The following RAB38 variants were observed in gnomAD, a reference collection of about 807,000 sequenced individuals.
RAB38 encodes the protein RAB38, member RAS oncogene family, also known as ras-related protein Rab-38.
In RAB38, 15 loss-of-function variants were observed where a neutral mutation model predicts 18.4. The observed-to-expected ratio is 0.82, with a 90% CI of 0.55 to 1.26. RAB38 has a LOEUF of 1.26. Among genes scored for constraint, RAB38 ranks in the 50% most tolerant of loss-of-function variants. The pLI is 0.00. For missense variants in RAB38, 294 were observed against 267.4 expected (o/e 1.10, Z -0.69); for synonymous variants, 101 against 104.4 (o/e 0.97, Z 0.20).
At chr11:87,859,082 C>A in the RAB38 span, among the ~76,000 whole-genome samples, 1 of 151,728 alleles carries the variant, frequency 6.6e-6, no homozygotes, top group African/African-American at 2.4e-5. Context: ...TAATAAATAG[C>A]TTTAGCACAA....
the RAB38 span, among the ~76,000 whole-genome samples, chr11:87,903,934 C>T: frequency 6.6e-6 from 1 of 150,960 alleles, no homozygotes; most frequent in Admixed American, 6.6e-5. Flanking sequence ...CTTTATTTGT[C>T]TGGGAGTTTA....
At chr11:88,019,338 C>T in the RAB38 span, among the ~76,000 whole-genome samples, 27 of 152,206 alleles carry the variant, frequency 1.8e-4, no homozygotes, top group South Asian at 4.1e-4. Context: ...CACATCCAAT[C>T]TGCCAGCACA....
At chr11:88,039,886 CTT>C in the RAB38 span, among the ~76,000 whole-genome samples, 1 of 152,166 alleles carries the variant, frequency 6.6e-6, no homozygotes, top group Admixed American at 6.5e-5. Context: ...GTAAAGATGT[CTT>C]TGCTGCATCT....
At chr11:87,968,015 C>G in the RAB38 span, among the ~76,000 whole-genome samples, 1 of 152,110 alleles carries the variant, frequency 6.6e-6, no homozygotes, top group South Asian at 2.1e-4. Flanking sequence ...ACAAATAAAG[C>G]CACATTCTCC....
the RAB38 span, among the ~76,000 whole-genome samples, chr11:88,070,713 G>A: frequency 6.6e-6 from 1 of 152,102 alleles, no homozygotes; most frequent in Non-Finnish European, 1.5e-5. Context: ...TTACACAAAG[G>A]ATGAAGAATG....
chr11:88,073,922 A>G, the RAB38 span, among the ~76,000 whole-genome samples: 1 of 152,110 alleles, frequency 6.6e-6, no homozygotes, highest in African/African-American at 2.4e-5. Context: ...TTGACAGCAG[A>G]ATGGACACAG....
chr11:87,903,309 C>T, the RAB38 span, among the ~76,000 whole-genome samples: 1 of 150,966 alleles, frequency 6.6e-6, no homozygotes, highest in African/African-American at 2.4e-5. Flanking sequence ...TCTTCTTTTC[C>T]CTTTTTGAAA....
chr11:87,806,686 A>C, the RAB38 span, among the ~76,000 whole-genome samples: 3 of 152,218 alleles, frequency 2.0e-5, no homozygotes. Context: ...ACCAGATATA[A>C]CTGAAAAAAA....
At chr11:88,109,758 T>C (rs1248829048), downstream of RAB38, among the ~76,000 whole-genome samples, 2 of 152,064 alleles carry the variant, frequency 1.3e-5, no homozygotes, top group African/African-American at 4.8e-5. Context: ...CCAACAAACA[T>C]ATGAATAAAA....
intron 1 of RAB38, chr11:88,173,830 C>G (rs1346049748): frequency 2.8e-5 from 28 of 985,272 alleles, no homozygotes; most frequent in Non-Finnish European, 3.3e-5. Context: ...ATCTGTTCAT[C>G]TGTTCACATG....
At chr11:87,880,323 C>A in the RAB38 span, among the ~76,000 whole-genome samples, 1 of 151,668 alleles carries the variant, frequency 6.6e-6, no homozygotes, top group African/African-American at 2.4e-5. Flanking sequence ...TATATCCCTT[C>A]GAGTCCTGGC....
chr11:88,043,721 C>A, the RAB38 span, among the ~76,000 whole-genome samples: 81 of 151,986 alleles, frequency 5.3e-4, no homozygotes, highest in Non-Finnish European at 1.0e-3. Context: ...AGACTCAGCC[C>A]GCCTGCACCC....
chr11:87,959,265 G>C, the RAB38 span, among the ~76,000 whole-genome samples: 1 of 152,126 alleles, frequency 6.6e-6, no homozygotes, highest in African/African-American at 2.4e-5. Context: ...TTCTGATCTA[G>C]AATTGGAGGT....
chr11:87,933,158 T>C, the RAB38 span, among the ~76,000 whole-genome samples: 3 of 152,110 alleles, frequency 2.0e-5, no homozygotes, highest in African/African-American at 4.8e-5. Flanking sequence ...CTAGGTGTTT[T>C]GAAAGCAGAG....
the RAB38 span, among the ~76,000 whole-genome samples, chr11:88,015,900 T>C: frequency 6.6e-6 from 1 of 152,292 alleles, no homozygotes; most frequent in South Asian, 2.1e-4. Context: ...CACTGGCCAC[T>C]TGGGAGGTCT....
At chr11:87,821,284 C>G in the RAB38 span, among the ~76,000 whole-genome samples, 1 of 152,120 alleles carries the variant, frequency 6.6e-6, no homozygotes, top group Non-Finnish European at 1.5e-5. Context: ...TTTGCAGAAG[C>G]AACCACAGAT....
At chr11:88,148,068 A>G (rs302662) in intron 2 of RAB38, among the ~76,000 whole-genome samples, 42,138 of 152,068 alleles carry the variant, frequency 0.28, 6,537 homozygotes, top group Non-Finnish European at 0.33. Context: ...ATGATGGGAA[A>G]TGTATCCTGA....
chr11:87,937,269 A>G, the RAB38 span, among the ~76,000 whole-genome samples: 1 of 145,654 alleles, frequency 6.9e-6, no homozygotes. Flanking sequence ...TTTAGAGTAC[A>G]GAACCAGCCT....
the RAB38 span, among the ~76,000 whole-genome samples, chr11:87,975,836 A>C: frequency 6.6e-6 from 1 of 151,710 alleles, no homozygotes; most frequent in Non-Finnish European, 1.5e-5. Context: ...ACCCATATCA[A>C]GACTGACCAA....
Sources: gnomAD v4.1 joint callset for allele counts (sites outside exome capture counted in the v4.1 genomes callset) on GRCh38, gnomAD v4.1.1 for gene constraint, MANE v1.5 for transcripts, NCBI Gene and HGNC (gene_info 2026-07-23, HGNC 2026-07-21) for gene names.